The following DDX24 variants were observed in gnomAD, a reference collection of about 807,000 sequenced individuals.
DDX24 encodes the protein DEAD-box helicase 24.
DDX24 carries 24 observed loss-of-function variants against 68.9 expected under a neutral mutation model. The observed-to-expected ratio is 0.35, with a 90% CI of 0.25 to 0.49. The LOEUF (loss-of-function observed/expected upper bound fraction) is 0.49. DDX24 is among the 20% of genes least tolerant of loss of function. DDX24 has a pLI of 0.99. For synonymous variants in DDX24, 395 were observed against 385.2 expected (o/e 1.03, Z -0.30); for missense variants, 989 against 1,039.0 (o/e 0.95, Z 0.66).
chr14:94,059,794 T>G (rs1204882448), intron 5 of DDX24, among the ~76,000 whole-genome samples: 1 of 152,236 alleles, frequency 6.6e-6, no homozygotes, highest in Non-Finnish European at 1.5e-5. Flanking sequence ...GGAGAGTAAC[T>G]GAATGTGATT....
rs762986578 is a variant in DDX24 at position 94,055,002 on chromosome 14, C to T, written c.2172G>A (p.Val724=). 36 of 1,613,882 alleles carry T rather than the reference C, an allele frequency of 2.2e-5. No homozygotes were observed. Among genetic ancestry groups the T allele is most frequent in the Middle Eastern group, 1.6e-4 (1 of 6,082 alleles). ...LFPVQTKYMD[V]VKERIRLARQ... ...GGTTTTAACTGCTTTCTACCTTGAC[C>T]ACATCCATGTATTTTGTCTGCACGG... The change falls in exon 7 of 9, where the codon GTG becomes GTA. Residue 724 remains valine (V), a synonymous_variant. Coordinates refer to ENST00000621632, the MANE Select transcript of DDX24 (RefSeq NM_020414.4).
chr14:94,067,301 A>C (rs1885725481), intron 2 of DDX24, among the ~76,000 whole-genome samples: 1 of 152,148 alleles, frequency 6.6e-6, no homozygotes, highest in Non-Finnish European at 1.5e-5. Flanking sequence ...AAAAAGAATA[A>C]GAAAAAATGA....
At chr14:94,069,525 C>A (rs1047660431) in intron 2 of DDX24, among the ~76,000 whole-genome samples, 3 of 152,104 alleles carry the variant, frequency 2.0e-5, no homozygotes, top group Non-Finnish European at 4.4e-5. Flanking sequence ...GCCAGCATCA[C>A]CCTAATACCA....
chr14:94,050,130 C>T lies in DDX24; in HGVS notation c.*1061G>A, dbSNP rs1885362242. 6.6e-6 allele frequency: 1 copy of T among 152,216 alleles called. No homozygotes were observed. Among genetic ancestry groups the T allele is most frequent in the South Asian group, 2.1e-4 (1 of 4,836 alleles). 9.4% of individuals were successfully genotyped at this position (152,216 alleles called of 1,614,324 possible). A position where few individuals can be genotyped will look rare whatever the true frequency, so the allele number is the denominator to read the frequency against. ...GTGCAGAAATCATCTATGCTTCTCC[C>T]ATGGTTGTGGGAGTTGTGGATACTC... On this transcript the variant is annotated 3_prime_UTR_variant, in exon 9 of 9. Transcript: ENST00000621632.
intron 2 of DDX24, among the ~76,000 whole-genome samples, chr14:94,068,536 T>C (rs1236060858): frequency 6.6e-6 from 1 of 152,144 alleles, no homozygotes; most frequent in Non-Finnish European, 1.5e-5. Flanking sequence ...TACAGAACAT[T>C]TCATCCAACA....
At chr14:94,052,955 G>T in intron 8 of DDX24, 43 bp downstream of exon 8, 1 of 1,578,540 alleles carries the variant, frequency 6.3e-7, no homozygotes, top group Non-Finnish European at 8.6e-7. Flanking sequence ...AAGTTAAAGA[G>T]AGATTTCAAC....
chr14:94,065,833 C>CA (rs1371544027), intron 2 of DDX24, among the ~76,000 whole-genome samples: 13 of 152,330 alleles, frequency 8.5e-5, no homozygotes, highest in African/African-American at 2.9e-4. Flanking sequence ...GAAGAAGCAG[C>CA]AGAAAGGCCC....
At chr14:94,072,059 A>G (rs1885842982) in intron 2 of DDX24, among the ~76,000 whole-genome samples, 1 of 152,238 alleles carries the variant, frequency 6.6e-6, no homozygotes, top group Non-Finnish European at 1.5e-5. Flanking sequence ...TCCTTAAAGA[A>G]CTAAAAGTAG....
chr14:94,075,355 A>G (rs780735812), intron 2 of DDX24, among the ~76,000 whole-genome samples: 12 of 152,226 alleles, frequency 7.9e-5, no homozygotes, highest in Non-Finnish European at 1.5e-5. Flanking sequence ...ACCCACACCT[A>G]TATGGTCACA....
At chr14:94,072,511 G>A (rs180914303) in intron 2 of DDX24, among the ~76,000 whole-genome samples, 152 of 152,284 alleles carry the variant, frequency 1.0e-3, no homozygotes, top group Middle Eastern at 6.8e-3. Context: ...TATATTGCTC[G>A]GGTGATAGGT....
chr14:94,052,879 A>G, intron 8 of DDX24, 119 bp downstream of exon 8: 3 of 1,382,812 alleles, frequency 2.2e-6, no homozygotes, highest in South Asian at 1.4e-5. Context: ...GTTAGCAAAG[A>G]GGGGGAAGGA....
chr14:94,063,388 A>G (rs1440498245), intron 2 of DDX24, among the ~76,000 whole-genome samples: 1 of 152,242 alleles, frequency 6.6e-6, no homozygotes, highest in Non-Finnish European at 1.5e-5. Flanking sequence ...CAGTGTAGCA[A>G]TATTTTTTAT....
chr14:94,080,723 A>C (rs555047175), intron 1 of DDX24, among the ~76,000 whole-genome samples: 55 of 145,414 alleles, frequency 3.8e-4, no homozygotes, highest in East Asian at 2.3e-3. Context: ...ACAAAAAAAA[A>C]CACAAAGAAA....
At chr14:94,059,947 A>T in intron 5 of DDX24, 151 bp downstream of exon 5, 1 of 914,304 alleles carries the variant, frequency 1.1e-6, no homozygotes, top group Non-Finnish European at 1.6e-6. Flanking sequence ...AACCTTGCCA[A>T]ATGCTGTGCA....
chr14:94,078,971 G>A, intron 2 of DDX24, 54 bp downstream of exon 2: 1 of 1,510,138 alleles, frequency 6.6e-7, no homozygotes, highest in Non-Finnish European at 9.0e-7. Flanking sequence ...TGGCCTATTA[G>A]CAGCTATGGG....
At position 94,051,275 on chromosome 14, in the gene DDX24, A is replaced by T. The variant is rs1388810296; in HGVS notation, c.2496T>A (p.Cys832Ter). 2 of 1,608,660 alleles carry T rather than the reference A, an allele frequency of 1.2e-6. No individual in the cohort carries two copies. Among genetic ancestry groups the T allele is most frequent in the Admixed American group, 3.4e-5 (2 of 58,834 alleles). The stretch of plus-strand genomic sequence containing the variant: ...TCTTCTTCTTCTTCTGCTTGGAGAG[A>T]CAGCTCAAAGCAGACTCGCTCTTAC... ...APSKSESALSCLSKQKKKKTK... is the reference protein window; with the variant it reads ...APSKSESALS The change falls in exon 9 of 9, where the codon TGT (cysteine) becomes TGA (stop). Residue 832 changes from cysteine (C) to a stop codon, truncating the protein, a stop_gained. Transcript: ENST00000621632. LOFTEE classifies it low-confidence loss of function (END_TRUNC).
chr14:94,066,514 T>C (rs1416118767), intron 2 of DDX24, among the ~76,000 whole-genome samples: 2 of 152,234 alleles, frequency 1.3e-5, no homozygotes, highest in African/African-American at 4.8e-5. Flanking sequence ...TGCCACCTCC[T>C]GGCAGGAGGC....
chr14:94,053,389 G>A (rs1277765388), intron 7 of DDX24: 38 of 263,110 alleles, frequency 1.4e-4, no homozygotes, highest in Non-Finnish European at 2.1e-4. Flanking sequence ...TTTTTTTTTC[G>A]TAAAGACAGG....
intron 2 of DDX24, among the ~76,000 whole-genome samples, chr14:94,070,126 T>C (rs1885799324): frequency 6.6e-6 from 1 of 152,134 alleles, no homozygotes; most frequent in African/African-American, 2.4e-5. Flanking sequence ...TAAGGACTCC[T>C]CCAGAAAGCT....
Sources: gnomAD v4.1 joint callset for allele counts (sites outside exome capture counted in the v4.1 genomes callset) on GRCh38, gnomAD v4.1.1 for gene constraint, MANE v1.5 for transcripts, NCBI Gene and HGNC (gene_info 2026-07-23, HGNC 2026-07-21) for gene names.